NETO1: variants seen among roughly 807,000 people sequenced by gnomAD.
NETO1 encodes neuropilin and tolloid like 1.
In NETO1, 26 loss-of-function variants were observed where a neutral mutation model predicts 61.3. That is an observed-to-expected ratio of 0.42 (90% confidence interval 0.31 to 0.59). NETO1 has a LOEUF of 0.59. NETO1 is among the 20% of genes least tolerant of loss of function. The pLI is 0.12. For missense variants in NETO1, 531 were observed against 662.8 expected, an observed-to-expected ratio of 0.80 and a Z score of 2.18; for synonymous variants, 225 against 225.8, an observed-to-expected ratio of 1.00 and a Z score of 0.03.
At chr18:72,817,896 A>G (rs2073076138) in intron 4 of NETO1, among the ~76,000 whole-genome samples, 1 of 152,202 alleles carries the variant, frequency 6.6e-6, no homozygotes, top group Non-Finnish European at 1.5e-5. Context: ...GAAGACACCC[A>G]TATAGAATGG....
At chr18:72,775,443 C>T (rs1380331744) in intron 7 of NETO1, among the ~76,000 whole-genome samples, 1 of 151,936 alleles carries the variant, frequency 6.6e-6, no homozygotes, top group Non-Finnish European at 1.5e-5. Context: ...TCATATAGTC[C>T]CCAAAATAGC....
chr18:72,791,120 C>A (rs529562206), intron 6 of NETO1, among the ~76,000 whole-genome samples: 7 of 152,094 alleles, frequency 4.6e-5, no homozygotes, highest in Non-Finnish European at 1.0e-4. Flanking sequence ...TTTCCGAATT[C>A]TATGAAATCT....
chr18:72,765,666 C>T (rs1396650409), intron 7 of NETO1, among the ~76,000 whole-genome samples: 1 of 152,104 alleles, frequency 6.6e-6, no homozygotes, highest in African/African-American at 2.4e-5. Flanking sequence ...ATCCACCCAC[C>T]TTGGCCTCCC....
At chr18:72,850,707 G>A (rs2074222436) in intron 4 of NETO1, among the ~76,000 whole-genome samples, 1 of 152,200 alleles carries the variant, frequency 6.6e-6, no homozygotes, top group Non-Finnish European at 1.5e-5. Flanking sequence ...AATGGAGATT[G>A]AGTGTAAGAA....
chr18:72,786,405 T>G (rs557487476), intron 6 of NETO1, among the ~76,000 whole-genome samples: 37 of 152,140 alleles, frequency 2.4e-4, no homozygotes, highest in Admixed American at 6.5e-4. Context: ...GACAAATGAA[T>G]CAAACTGAAC....
intron 4 of NETO1, among the ~76,000 whole-genome samples, chr18:72,853,771 A>C (rs2074331241): frequency 6.6e-6 from 1 of 151,898 alleles, no homozygotes; most frequent in Admixed American, 6.6e-5. Context: ...AAAAAGAAAA[A>C]AGTCTTCTTT....
chr18:72,859,151 TG>T, intron 3 of NETO1, 77 bp from the exon 4 acceptor site: 1 of 1,391,728 alleles, frequency 7.2e-7, no homozygotes, highest in Non-Finnish European at 9.7e-7. Context: ...CTATTTCAGA[TG>T]TTATTTGTAC....
At chr18:72,827,037 A>C (rs2145352840) in intron 4 of NETO1, among the ~76,000 whole-genome samples, 1 of 150,520 alleles carries the variant, frequency 6.6e-6, no homozygotes, top group Admixed American at 6.6e-5. Context: ...ATCGGGGCAA[A>C]CTGGGTCTGC....
intron 4 of NETO1, among the ~76,000 whole-genome samples, chr18:72,836,874 T>G (rs150520144): frequency 6.6e-6 from 1 of 152,100 alleles, no homozygotes; most frequent in Non-Finnish European, 1.5e-5. Context: ...AGAAAGGAGA[T>G]AGCTATTAAA....
intron 4 of NETO1, among the ~76,000 whole-genome samples, chr18:72,843,271 T>A (rs2073987793): frequency 6.6e-6 from 1 of 152,128 alleles, no homozygotes; most frequent in Non-Finnish European, 1.5e-5. Context: ...TTAGTGTAAA[T>A]CCTAGCAGAG....
chr18:72,798,727 T>C (rs987191202), intron 4 of NETO1, among the ~76,000 whole-genome samples: 1 of 152,142 alleles, frequency 6.6e-6, no homozygotes, highest in Non-Finnish European at 1.5e-5. Flanking sequence ...TCGGAGAGCT[T>C]CTTTGAAAAG....
chr18:72,790,369 A>C (rs2072074395), intron 6 of NETO1, among the ~76,000 whole-genome samples: 1 of 152,184 alleles, frequency 6.6e-6, no homozygotes, highest in Non-Finnish European at 1.5e-5. Flanking sequence ...TTAATTTTTA[A>C]AAACCTTGAT....
chr18:72,742,870 C>T (rs2070364290), downstream of NETO1: 1 of 152,162 alleles, frequency 6.6e-6, no homozygotes, highest in Non-Finnish European at 1.5e-5. Flanking sequence ...TGGTGTTTGG[C>T]ATGTGACCCT....
chr18:72,832,091 GT>G (rs1445742934), intron 4 of NETO1, among the ~76,000 whole-genome samples: 1 of 152,068 alleles, frequency 6.6e-6, no homozygotes, highest in Non-Finnish European at 1.5e-5. Flanking sequence ...TCAATTATTT[GT>G]TAACTCTAGT....
At chr18:72,753,696 T>C (rs1312414008) in intron 8 of NETO1, among the ~76,000 whole-genome samples, 1 of 152,238 alleles carries the variant, frequency 6.6e-6, no homozygotes, top group Non-Finnish European at 1.5e-5. Context: ...ATCTTTCTTC[T>C]GCAGTCTTCA....
At chr18:72,817,995 G>A (rs569158900) in intron 4 of NETO1, among the ~76,000 whole-genome samples, 1 of 152,170 alleles carries the variant, frequency 6.6e-6, no homozygotes, top group Admixed American at 6.5e-5. Flanking sequence ...ATGCAGGTGA[G>A]CCTTGAGATG....
rs966351495 is a variant in NETO1 at position 72,745,741 on chromosome 18, A to G, written c.*2438T>C. The G allele has an allele frequency of 6.6e-6, 1 of 152,352 alleles. No individual in the cohort carries two copies. Among genetic ancestry groups the G allele is most frequent in the South Asian group, 2.1e-4 (1 of 4,820 alleles). 9.4% of individuals were successfully genotyped at this position (152,352 alleles called of 1,614,324 possible). ...GCACCGCCAGAGCCCTCCAGAGAAC[A>G]TCTCCCAACTCTGCCAGAGCGCTGC... On this transcript the variant is annotated 3_prime_UTR_variant, in exon 11 of 11. Transcript: ENST00000327305.
intron 4 of NETO1, among the ~76,000 whole-genome samples, chr18:72,812,527 T>G (rs2072901614): frequency 6.6e-6 from 1 of 152,244 alleles, no homozygotes; most frequent in Non-Finnish European, 1.5e-5. Context: ...GTTCCTTGCA[T>G]CTACCTCAAA....
chr18:72,855,702 T>C (rs1568267236), intron 4 of NETO1, among the ~76,000 whole-genome samples: 2 of 151,846 alleles, frequency 1.3e-5, no homozygotes, highest in Non-Finnish European at 2.9e-5. Context: ...TACAAAGAAA[T>C]AGAAAAAAAA....
Sources: allele counts gnomAD v4.1 joint callset (sites outside exome capture counted in the v4.1 genomes callset), GRCh38; gene constraint gnomAD v4.1.1; transcripts MANE v1.5; gene names NCBI Gene and HGNC (gene_info 2026-07-23, HGNC 2026-07-21).